Variants in NKAIN3 observed in about 807,000 individuals in gnomAD.
NKAIN3 encodes sodium/potassium transporting ATPase interacting 3.
In NKAIN3, 25 loss-of-function variants were observed where a neutral mutation model predicts 30.2. The observed-to-expected ratio is 0.83, with a 90% CI of 0.60 to 1.16. The LOEUF (loss-of-function observed/expected upper bound fraction) is 1.16, where lower values mean the gene tolerates loss of function less well. NKAIN3 is among the 50% of genes most tolerant of loss of function. The pLI is 0.00. For missense variants in NKAIN3, 225 were observed against 254.1 expected, an observed-to-expected ratio of 0.89 and a Z score of 0.78; for synonymous variants, 91 against 89.6, an observed-to-expected ratio of 1.02 and a Z score of -0.09.
intron 4 of NKAIN3, among the ~76,000 whole-genome samples, chr8:62,889,104 C>T (rs1821227653): frequency 6.6e-6 from 1 of 152,108 alleles, no homozygotes; most frequent in Non-Finnish European, 1.5e-5. Flanking sequence ...CACGGTGACT[C>T]ACGCCTGTAA....
In NKAIN3 at chr8:62,984,181, T is replaced by G. The variant is rs1297547733; in HGVS notation, c.*18774T>G. ...AGAATGACTCTAAGCCTCTTTTTGT[T>G]GCTGTGACTGACAGAACTAAAGGGA... On this transcript the variant is annotated 3_prime_UTR_variant, in exon 7 of 7. Transcript: ENST00000623646. The G allele has an allele frequency of 6.6e-6, 1 of 152,214 alleles. No individual in the cohort carries two copies. The highest frequency in any genetic ancestry group is 1.5e-5 in the Non-Finnish European group (1 of 68,040). The allele number at this position is 152,214 out of a possible 1,614,324, so 9.4% of individuals were successfully genotyped here.
intron 3 of NKAIN3, among the ~76,000 whole-genome samples, chr8:62,681,048 T>C (rs145926178): frequency 6.6e-6 from 1 of 152,320 alleles, no homozygotes; most frequent in African/African-American, 2.4e-5. Context: ...AGAACAGCAA[T>C]TCTGGTGACT....
intron 1 of NKAIN3, among the ~76,000 whole-genome samples, chr8:62,418,802 A>G (rs1804539932): frequency 6.6e-6 from 1 of 152,246 alleles, no homozygotes; most frequent in South Asian, 2.1e-4. Context: ...CTGACTCTTT[A>G]TGGTAATCAT....
intron 3 of NKAIN3, among the ~76,000 whole-genome samples, chr8:62,674,833 C>A (rs2130397265): frequency 6.6e-6 from 1 of 152,288 alleles, no homozygotes; most frequent in East Asian, 1.9e-4. Flanking sequence ...ACCTACTTTA[C>A]AGAGAAGAAC....
chr8:62,946,545 C>A (rs1461548046), intron 5 of NKAIN3, among the ~76,000 whole-genome samples: 3 of 152,206 alleles, frequency 2.0e-5, no homozygotes, highest in Non-Finnish European at 4.4e-5. Context: ...GTGCTGCGAA[C>A]TCCTCTCTGC....
rs185773013 is a variant in NKAIN3 at position 62,741,688 on chromosome 8, T to C, written c.274-5244T>C. ...TTACCACTCTTTTTCCAAATAAGTA[T>C]ATAAGTTGTCAACTCTAATTGCAGC... On this transcript the variant is annotated intron_variant, in intron 3 of 6. Transcript: ENST00000623646. Among the ~76,000 whole-genome samples, 16 of 152,374 alleles carry C rather than the reference T, an allele frequency of 1.1e-4. No individual in the cohort carries two copies. The East Asian group carries it at 2.9e-3, about 28-fold the overall frequency.
At chr8:62,545,702 C>T (rs1187534432) in intron 1 of NKAIN3, among the ~76,000 whole-genome samples, 11 of 152,214 alleles carry the variant, frequency 7.2e-5, no homozygotes. Context: ...AATTGACAGA[C>T]ACTTGTCAGT....
At chr8:62,583,768 C>CCTA (rs1251351278) in intron 2 of NKAIN3, among the ~76,000 whole-genome samples, 35 of 152,216 alleles carry the variant, frequency 2.3e-4, no homozygotes, top group African/African-American at 7.2e-4. Context: ...ACAGTCTTGG[C>CCTA]CTACCTCCCA....
intron 1 of NKAIN3, among the ~76,000 whole-genome samples, chr8:62,257,399 G>A (rs920174442): frequency 4.6e-5 from 7 of 151,834 alleles, no homozygotes; most frequent in African/African-American, 9.7e-5. Context: ...TATTCTTTAC[G>A]CTGAAACCTA....
chr8:62,522,462 A>C (rs11779119), intron 1 of NKAIN3, among the ~76,000 whole-genome samples: 118,549 of 151,924 alleles, frequency 0.78, 48,103 homozygotes, highest in South Asian at 0.91. Context: ...TACTTCTCTA[A>C]TTATTAAAAA....
chr8:62,863,240 G>A, intron 4 of NKAIN3: 1 of 1,569,962 alleles, frequency 6.4e-7, no homozygotes, highest in Non-Finnish European at 8.7e-7. Flanking sequence ...TTATTTTTCA[G>A]TTTTTTCTTT....
At chr8:62,816,587 G>A (rs545811998) in intron 4 of NKAIN3, among the ~76,000 whole-genome samples, 2 of 152,214 alleles carry the variant, frequency 1.3e-5, no homozygotes, top group South Asian at 4.1e-4. Context: ...TCTGCTCTGG[G>A]GGAAGCCTCC....
At chr8:62,296,568 G>A (rs1438946323) in intron 1 of NKAIN3, among the ~76,000 whole-genome samples, 1 of 152,094 alleles carries the variant, frequency 6.6e-6, no homozygotes, top group Non-Finnish European at 1.5e-5. Context: ...TACAGTTATT[G>A]TAATTAACAT....
chr8:62,607,498 G>GA (rs570688359), intron 3 of NKAIN3, among the ~76,000 whole-genome samples: 1 of 151,912 alleles, frequency 6.6e-6, no homozygotes. Flanking sequence ...ATTTCTTGGA[G>GA]AAAAAAATGT....
intron 1 of NKAIN3, 101 bp downstream of exon 1, chr8:62,249,228 G>C (rs992132324): frequency 1.8e-5 from 18 of 987,538 alleles, no homozygotes; most frequent in Non-Finnish European, 2.6e-5. Flanking sequence ...AGGGGCGAAC[G>C]GGTGAACAGG....
intron 3 of NKAIN3, among the ~76,000 whole-genome samples, chr8:62,683,353 T>C (rs1813703898): frequency 1.3e-5 from 2 of 152,174 alleles, no homozygotes; most frequent in African/African-American, 4.8e-5. Context: ...CAGTTTTTAA[T>C]GATACTCGCT....
intron 3 of NKAIN3, among the ~76,000 whole-genome samples, chr8:62,594,662 T>A (rs554697293): frequency 3.4e-4 from 52 of 152,222 alleles, no homozygotes; most frequent in Non-Finnish European, 6.6e-4. Context: ...ATTTAAAGAC[T>A]TTTTTAATTC....
intron 1 of NKAIN3, among the ~76,000 whole-genome samples, chr8:62,499,543 A>G (rs1315841016): frequency 6.6e-6 from 1 of 152,160 alleles, no homozygotes; most frequent in Admixed American, 6.6e-5. Context: ...ATTTGTGTCA[A>G]TTTAGAGGAA....
intron 1 of NKAIN3, among the ~76,000 whole-genome samples, chr8:62,273,705 T>G (rs956368163): frequency 6.6e-6 from 1 of 152,218 alleles, no homozygotes; most frequent in Non-Finnish European, 1.5e-5. Context: ...TGTTTACTTA[T>G]GTATTTTTGC....
Sources: gnomAD v4.1 joint callset for allele counts (sites outside exome capture counted in the v4.1 genomes callset) on GRCh38, gnomAD v4.1.1 for gene constraint, MANE v1.5 for transcripts, NCBI Gene and HGNC (gene_info 2026-07-23, HGNC 2026-07-21) for gene names.